SPEF2: variants seen among roughly 807,000 people sequenced by gnomAD.
SPEF2 encodes the protein sperm flagella and cilia-associated protein 2.
In SPEF2, 187 loss-of-function variants were observed where a neutral mutation model predicts 224.6. The observed-to-expected ratio is 0.83, with a 90% confidence interval of 0.74 to 0.94. The LOEUF is 0.94. SPEF2 is among the 40% of genes least tolerant of loss of function. The pLI, the probability that SPEF2 is intolerant of heterozygous loss-of-function variation, is 0.00. For missense variants in SPEF2, 2,170 were observed against 2,135.6 expected (o/e 1.02, Z -0.32); for synonymous variants, 715 against 707.3 (o/e 1.01, Z -0.17).
In SPEF2 at chr5:35,814,528, C is replaced by T. The variant is rs865924948; in HGVS notation, c.5444C>T (p.Ser1815Leu). The change falls in exon 37 of 37, where the codon TCA (serine) becomes TTA (leucine). Residue 1815 changes from serine (S) to leucine (L), a missense_variant. Ser to Leu is a moderately radical substitution (Grantham distance 145, BLOSUM62 -2). Coordinates refer to ENST00000356031, the MANE Select transcript of SPEF2 (RefSeq NM_024867.4). ...VQGSDGERSP[S>L]RHTEEKK The stretch of plus-strand genomic sequence containing the variant: ...GGAAGTGATGGAGAGAGATCACCTT[C>T]AAGACATACAGAGGAAAAGAAATGA... The T allele has an allele frequency of 6.2e-7, 1 of 1,606,704 alleles. No homozygotes were observed.
chr5:35,671,571 A>G, intron 10 of SPEF2: 6 of 938,036 alleles, frequency 6.4e-6, no homozygotes, highest in Non-Finnish European at 6.4e-6. Context: ...ATTTTATTTG[A>G]CAGACTTTAC....
intron 10 of SPEF2, 79 bp from the exon 11 acceptor site, chr5:35,690,958 C>A: frequency 1.7e-6 from 2 of 1,191,442 alleles, no homozygotes; most frequent in Non-Finnish European, 2.3e-6. Context: ...TTTGGATTTA[C>A]TTTTAACATT....
intron 24 of SPEF2, among the ~76,000 whole-genome samples, chr5:35,755,610 A>C (rs1284047832): frequency 6.6e-6 from 1 of 152,154 alleles, no homozygotes; most frequent in Admixed American, 6.5e-5. Context: ...ATTTTCATGT[A>C]GAATATATTA....
intron 26 of SPEF2, among the ~76,000 whole-genome samples, chr5:35,766,504 C>T (rs1752107794): frequency 1.3e-5 from 2 of 151,980 alleles, no homozygotes; most frequent in Admixed American, 1.3e-4. Context: ...GTGACGTCCA[C>T]TTTGTCACTT....
At chr5:35,782,653 T>A (rs923831274) in intron 30 of SPEF2, among the ~76,000 whole-genome samples, 2 of 152,092 alleles carry the variant, frequency 1.3e-5, no homozygotes, top group Non-Finnish European at 2.9e-5. Context: ...CTTTAAATAC[T>A]TGCAACTAGA....
intron 7 of SPEF2, among the ~76,000 whole-genome samples, chr5:35,658,427 C>T (rs560130562): frequency 1.3e-5 from 2 of 152,294 alleles, no homozygotes; most frequent in African/African-American, 4.8e-5. Flanking sequence ...CTTTTCCTCA[C>T]GTTGGTATTG....
chr5:35,779,018 T>C (rs1753968312), intron 29 of SPEF2, 99 bp from the exon 30 acceptor site: 1 of 797,658 alleles, frequency 1.3e-6, no homozygotes, highest in Non-Finnish European at 1.9e-6. Context: ...CTAAGAGCTA[T>C]ATAATCTGTT....
rs901060525 is a variant in SPEF2 at position 35,769,621 on chromosome 5, A to G, written c.3802-1988A>G. Among the ~76,000 whole-genome samples the G allele has an allele frequency of 1.1e-4, 16 of 152,226 alleles. 1 individual carries two copies. In the South Asian group the frequency reaches 3.1e-3, roughly 30 times the overall value. On this transcript the variant is annotated intron_variant, in intron 26 of 36. Coordinates refer to ENST00000356031, the MANE Select transcript of SPEF2 (RefSeq NM_024867.4). ...GACACTCAAAGCTGTGAAGAATACA[A>G]AGAAGTAGGACTGGTTTAGCTCTGG...
intron 20 of SPEF2, 68 bp downstream of exon 20, chr5:35,712,954 G>A: frequency 7.1e-7 from 1 of 1,411,322 alleles, no homozygotes; most frequent in Non-Finnish European, 9.8e-7. Flanking sequence ...AGTGAAAATA[G>A]CTAGATTTGT....
chr5:35,710,289 G>C, intron 19 of SPEF2: 1 of 974,598 alleles, frequency 1.0e-6, no homozygotes, highest in Non-Finnish European at 1.2e-6. Context: ...CAAGCATGGT[G>C]GCTCATCCCT....
chr5:35,647,304 G>A (rs1229325121), intron 5 of SPEF2, among the ~76,000 whole-genome samples: 3 of 151,726 alleles, frequency 2.0e-5, no homozygotes, highest in African/African-American at 4.8e-5. Flanking sequence ...ACATTACATG[G>A]GGGGAGAGAA....
chr5:35,672,088 A>T (rs1222739458), intron 10 of SPEF2, among the ~76,000 whole-genome samples: 1 of 151,566 alleles, frequency 6.6e-6, no homozygotes, highest in Non-Finnish European at 1.5e-5. Flanking sequence ...ATCTGGCTTA[A>T]ATAGTCTATC....
At chr5:35,705,300 A>G (rs1739526990) in intron 17 of SPEF2, among the ~76,000 whole-genome samples, 2 of 152,012 alleles carry the variant, frequency 1.3e-5, no homozygotes, top group Non-Finnish European at 1.5e-5. Flanking sequence ...AAAAAAATAG[A>G]TGGCCTAGGT....
chr5:35,792,476 G>C (rs753993796), intron 31 of SPEF2, 30 bp downstream of exon 31: 1 of 1,578,388 alleles, frequency 6.3e-7, no homozygotes, highest in Non-Finnish European at 8.7e-7. Context: ...GAGTTGTAAA[G>C]CTTTAAGCAT....
At chr5:35,638,464 G>C (rs115749915) in intron 2 of SPEF2, among the ~76,000 whole-genome samples, 7 of 152,020 alleles carry the variant, frequency 4.6e-5, no homozygotes, top group Non-Finnish European at 1.0e-4. Flanking sequence ...GTTATGCCTT[G>C]CACCTTTGCA....
chr5:35,780,621 G>A (rs1041728828), intron 30 of SPEF2, among the ~76,000 whole-genome samples: 43 of 152,240 alleles, frequency 2.8e-4, no homozygotes, highest in African/African-American at 9.6e-4. Context: ...TACATGGTGC[G>A]AGCTCCACAA....
intron 10 of SPEF2, among the ~76,000 whole-genome samples, chr5:35,678,196 T>C (rs1190597643): frequency 6.6e-6 from 1 of 152,242 alleles, no homozygotes; most frequent in East Asian, 1.9e-4. Context: ...TGAGGAAGGC[T>C]ACTCCTGGAA....
At chr5:35,738,291 G>T (rs922083228) in intron 21 of SPEF2, among the ~76,000 whole-genome samples, 12 of 151,948 alleles carry the variant, frequency 7.9e-5, no homozygotes, top group African/African-American at 2.9e-4. Flanking sequence ...CCTTGCCCAT[G>T]CCTGTGTCCT....
intron 30 of SPEF2, chr5:35,781,689 T>C (rs1754366378): frequency 6.6e-6 from 1 of 152,208 alleles, no homozygotes; most frequent in African/African-American, 2.4e-5. Flanking sequence ...GGGATTGTGA[T>C]GATTCAAAGT....
Sources: gnomAD v4.1 joint callset for allele counts (sites outside exome capture counted in the v4.1 genomes callset) on GRCh38, gnomAD v4.1.1 for gene constraint, MANE v1.5 for transcripts, NCBI Gene and HGNC (gene_info 2026-07-23, HGNC 2026-07-21) for gene names.